The following FTO variants were observed in gnomAD, a reference collection of about 807,000 sequenced individuals.
The protein encoded by FTO is FTO alpha-ketoglutarate dependent dioxygenase.
Under a neutral mutation model 63.9 loss-of-function variants are expected in FTO, and 47 were observed. That is an observed-to-expected ratio of 0.74 (90% CI 0.58 to 0.94). The LOEUF is 0.94. FTO is among the 40% of genes least tolerant of loss of function. The probability of loss-of-function intolerance (pLI) is 0.00; values close to 1 mark genes in which losing one functional copy is unlikely to be tolerated. For synonymous variants in FTO, 207 were observed against 224.4 expected, an observed-to-expected ratio of 0.92 and a Z score of 0.69; for missense variants, 562 against 618.1, an observed-to-expected ratio of 0.91 and a Z score of 0.96.
At chr16:53,819,764 A>C (rs2078802314) in intron 2 of FTO, among the ~76,000 whole-genome samples, 1 of 152,184 alleles carries the variant, frequency 6.6e-6, no homozygotes, top group Non-Finnish European at 1.5e-5. Flanking sequence ...AAATTGTACA[A>C]TTCAGTGATT....
rs1465336928 is a variant in FTO, at chr16:54,111,919, G to A, written c.*4G>A. On this transcript the variant is annotated 3_prime_UTR_variant, in exon 9 of 9. Transcript: ENST00000471389. ...GCTTCTGGAAGCAAAACCCTAGAAG[G>A]AGCACAAGTCTCAGGCGGAGGAGAA... is the stretch of plus-strand genomic sequence containing the variant. The A allele has an allele frequency of 1.2e-6, 2 of 1,614,078 alleles. No individual in the cohort carries two copies. Among genetic ancestry groups the A allele is most frequent in the Non-Finnish European group, 1.7e-6 (2 of 1,180,008 alleles).
intron 1 of FTO, among the ~76,000 whole-genome samples, chr16:53,754,771 G>A (rs963607989): frequency 5.3e-5 from 8 of 152,220 alleles, no homozygotes; most frequent in East Asian, 1.9e-4. Flanking sequence ...AAGAGATGAC[G>A]CTGAGGTATT....
chr16:53,845,983 T>C (rs1379715087), intron 4 of FTO, among the ~76,000 whole-genome samples: 1 of 152,226 alleles, frequency 6.6e-6, no homozygotes, highest in African/African-American at 2.4e-5. Flanking sequence ...TGAACATTGC[T>C]TTGCAGTTTA....
At chr16:54,087,808 A>C (rs575392268) in intron 8 of FTO, among the ~76,000 whole-genome samples, 1 of 152,134 alleles carries the variant, frequency 6.6e-6, no homozygotes, top group Non-Finnish European at 1.5e-5. Context: ...AAAAAGACAA[A>C]GAAATTTACA....
At chr16:53,923,071 G>A (rs2082045257) in intron 7 of FTO, 1 of 152,148 alleles carries the variant, frequency 6.6e-6, no homozygotes, top group Non-Finnish European at 1.5e-5. Flanking sequence ...AATCTATTAG[G>A]CTGCTTGGAA....
At chr16:53,968,258 A>T (rs1183740381) in intron 8 of FTO, among the ~76,000 whole-genome samples, 1 of 152,154 alleles carries the variant, frequency 6.6e-6, no homozygotes, top group Admixed American at 6.6e-5. Flanking sequence ...TTTCCTCCCC[A>T]TATCAATGTG....
intron 8 of FTO, among the ~76,000 whole-genome samples, chr16:54,049,280 C>A (rs1323316970): frequency 6.6e-6 from 1 of 152,194 alleles, no homozygotes; most frequent in Non-Finnish European, 1.5e-5. Flanking sequence ...TTTTGTAAAT[C>A]TTCCCTTAAA....
intron 1 of FTO, among the ~76,000 whole-genome samples, chr16:53,726,200 C>T (rs553467228): frequency 6.6e-6 from 1 of 152,186 alleles, no homozygotes; most frequent in South Asian, 2.1e-4. Context: ...TAAAACGTGT[C>T]GATGAACTAC....
chr16:53,863,595 G>A (rs2080232916), intron 4 of FTO, among the ~76,000 whole-genome samples: 1 of 152,206 alleles, frequency 6.6e-6, no homozygotes, highest in Non-Finnish European at 1.5e-5. Context: ...GGTACTCAGA[G>A]TCATGGCTTA....
chr16:53,922,696 G>A (rs1173776027), intron 7 of FTO, among the ~76,000 whole-genome samples: 1 of 152,216 alleles, frequency 6.6e-6, no homozygotes, highest in Non-Finnish European at 1.5e-5. Flanking sequence ...CTAATAGACT[G>A]CAAGTTGGGA....
chr16:54,093,501 C>T (rs1439886123), intron 8 of FTO, among the ~76,000 whole-genome samples: 2 of 152,198 alleles, frequency 1.3e-5, no homozygotes, highest in East Asian at 3.9e-4. Context: ...TTGCTGTGTT[C>T]TCCTGACTCA....
intron 6 of FTO, among the ~76,000 whole-genome samples, chr16:53,880,338 T>C (rs902026010): frequency 4.6e-5 from 7 of 152,188 alleles, no homozygotes; most frequent in Non-Finnish European, 1.0e-4. Context: ...TCTACCCTAC[T>C]TGCAAGCTAA....
At chr16:54,099,125 A>T (rs150350665) in intron 8 of FTO, among the ~76,000 whole-genome samples, 1 of 152,248 alleles carries the variant, frequency 6.6e-6, no homozygotes, top group African/African-American at 2.4e-5. Flanking sequence ...TGTGGCTGAA[A>T]GGAGGGCTTG....
At chr16:54,020,856 C>T (rs1282453799) in intron 8 of FTO, among the ~76,000 whole-genome samples, 1 of 152,160 alleles carries the variant, frequency 6.6e-6, no homozygotes, top group Non-Finnish European at 1.5e-5. Flanking sequence ...CCTGTAATCC[C>T]AGCTACTTGG....
At chr16:53,951,383 A>T (rs1244143879) in intron 8 of FTO, among the ~76,000 whole-genome samples, 1 of 152,168 alleles carries the variant, frequency 6.6e-6, no homozygotes, top group Non-Finnish European at 1.5e-5. Context: ...CAGTCCCTTA[A>T]CAAGGCTGTG....
chr16:54,034,942 C>T (rs1160581002), intron 8 of FTO, among the ~76,000 whole-genome samples: 3 of 152,186 alleles, frequency 2.0e-5, no homozygotes, highest in Admixed American at 6.5e-5. Flanking sequence ...TGCATCCCTT[C>T]CAAACTAATG....
At chr16:53,978,801 A>T (rs1188137326) in intron 8 of FTO, among the ~76,000 whole-genome samples, 7 of 152,192 alleles carry the variant, frequency 4.6e-5, no homozygotes. Flanking sequence ...GTTTGAGACC[A>T]GCCTGGCCAA....
At chr16:54,084,644 G>A (rs151023613) in intron 8 of FTO, among the ~76,000 whole-genome samples, 2 of 152,308 alleles carry the variant, frequency 1.3e-5, no homozygotes, top group East Asian at 1.9e-4. Context: ...AGAGCCACCA[G>A]GTGTAGGTCA....
intron 8 of FTO, among the ~76,000 whole-genome samples, chr16:54,032,601 A>T (rs1362791343): frequency 1.3e-5 from 2 of 152,190 alleles, no homozygotes; most frequent in African/African-American, 4.8e-5. Flanking sequence ...GTTGATTTTG[A>T]TATTTTGTTA....
Sources: gnomAD v4.1 joint callset for allele counts (sites outside exome capture counted in the v4.1 genomes callset) on GRCh38, gnomAD v4.1.1 for gene constraint, MANE v1.5 for transcripts, NCBI Gene and HGNC (gene_info 2026-07-23, HGNC 2026-07-21) for gene names.